TSC22D1: variants seen among roughly 807,000 people sequenced by gnomAD.
TSC22D1 encodes TSC22 domain family member 1.
Under a neutral mutation model 74.2 loss-of-function variants are expected in TSC22D1, and 9 were observed. The ratio of observed to expected loss-of-function variants is 0.12; its 90% CI spans 0.07 to 0.21. TSC22D1 has a LOEUF of 0.21. Among genes scored for constraint, TSC22D1 ranks in the 10% least tolerant of loss-of-function variants. The pLI is 1.00. For synonymous variants in TSC22D1, 586 were observed against 492.5 expected, an observed-to-expected ratio of 1.19 and a Z score of -2.51; for missense variants, 1,427 against 1,304.7, an observed-to-expected ratio of 1.09 and a Z score of -1.44.
intron 1 of TSC22D1, among the ~76,000 whole-genome samples, chr13:44,457,414 G>A (rs1876721463): frequency 6.6e-6 from 1 of 152,084 alleles, no homozygotes. Flanking sequence ...TGAGAAGCCA[G>A]AAATAAGGCA....
intron 1 of TSC22D1, among the ~76,000 whole-genome samples, chr13:44,503,646 G>GA (rs2137988987): frequency 6.6e-6 from 1 of 151,996 alleles, no homozygotes; most frequent in East Asian, 1.9e-4. Flanking sequence ...CTAAAGCAGA[G>GA]AAAAAAGAAG....
chr13:44,527,609 A>G (rs1880611086), intron 1 of TSC22D1, among the ~76,000 whole-genome samples: 1 of 152,190 alleles, frequency 6.6e-6, no homozygotes, highest in Non-Finnish European at 1.5e-5. Context: ...AAAAGAGTGG[A>G]AGGCAAAATA....
At position 44,542,752 on chromosome 13, in the gene TSC22D1, T is replaced by C. The variant is rs924167821; in HGVS notation, c.2912+30411A>G. ...GTTAATAATTTATGAAGACTCTGAA[T>C]TTGATAATGTATCATTTATATAAAA... On this transcript the variant is annotated intron_variant, in intron 1 of 2. Transcript: ENST00000458659. 2.6e-5 allele frequency among the ~76,000 whole-genome samples: 4 copies of C among 152,090 alleles called. No individual in the cohort carries two copies. In the East Asian group the frequency reaches 5.8e-4, roughly 22 times the overall value.
chr13:44,441,568 T>C (rs1306835278), intron 1 of TSC22D1, among the ~76,000 whole-genome samples: 1 of 151,946 alleles, frequency 6.6e-6, no homozygotes, highest in African/African-American at 2.4e-5. Flanking sequence ...TTACCTAACA[T>C]CTAAAATGGA....
chr13:44,525,915 A>G (rs1880527292), intron 1 of TSC22D1, among the ~76,000 whole-genome samples: 1 of 152,206 alleles, frequency 6.6e-6, no homozygotes, highest in South Asian at 2.1e-4. Context: ...TAGTCTGGAC[A>G]ACATGGCAAA....
At chr13:44,446,938 C>T (rs1165014215) in intron 1 of TSC22D1, among the ~76,000 whole-genome samples, 1 of 151,922 alleles carries the variant, frequency 6.6e-6, no homozygotes, top group African/African-American at 2.4e-5. Flanking sequence ...TAGTAAAAAA[C>T]ACATAAAATT....
At chr13:44,567,327 C>T (rs2138223616) in intron 1 of TSC22D1, among the ~76,000 whole-genome samples, 1 of 152,278 alleles carries the variant, frequency 6.6e-6, no homozygotes, top group East Asian at 1.9e-4. Flanking sequence ...AGCCAGGTTA[C>T]CATACAGGAA....
chr13:44,526,653 G>A (rs942087705), intron 1 of TSC22D1, among the ~76,000 whole-genome samples: 1 of 152,196 alleles, frequency 6.6e-6, no homozygotes, highest in African/African-American at 2.4e-5. Flanking sequence ...AGTCAAAAAG[G>A]CATAGCTGAC....
intron 1 of TSC22D1, among the ~76,000 whole-genome samples, chr13:44,459,686 T>C (rs1292803012): frequency 1.3e-5 from 2 of 152,206 alleles, no homozygotes; most frequent in Admixed American, 1.3e-4. Context: ...TCTTTGGGGC[T>C]CTGCAGTTCC....
intron 1 of TSC22D1, among the ~76,000 whole-genome samples, chr13:44,559,759 C>T (rs1050909925): frequency 2.0e-5 from 3 of 150,804 alleles, no homozygotes; most frequent in Non-Finnish European, 4.4e-5. Context: ...GGCGTGATCT[C>T]AGCTCACTGC....
At position 44,433,879 on chromosome 13, in the gene TSC22D1, T is replaced by A. The variant is rs1172868471; in HGVS notation, c.*747A>T. ...AGATCTATATATAAAAGTCCACACCTCCTCAGACAGCCAATGAAACAACTA... is the reference window on the plus strand; with the variant it reads ...AGATCTATATATAAAAGTCCACACCACCTCAGACAGCCAATGAAACAACTA... On this transcript the variant is annotated 3_prime_UTR_variant, in exon 3 of 3. Coordinates refer to ENST00000458659, the MANE Select transcript of TSC22D1 (RefSeq NM_183422.4). 4.4e-6 allele frequency: 5 copies of A among 1,147,570 alleles called. No homozygotes were observed. Among genetic ancestry groups the A allele is most frequent in the African/African-American group, 1.6e-5 (1 of 61,956 alleles). 71.1% of individuals were successfully genotyped at this position (1,147,570 alleles called of 1,614,324 possible). A position where few individuals can be genotyped will look rare whatever the true frequency, so the allele number is the denominator to read the frequency against.
At chr13:44,466,287 C>T (rs1239560725) in intron 1 of TSC22D1, among the ~76,000 whole-genome samples, 2 of 152,122 alleles carry the variant, frequency 1.3e-5, no homozygotes, top group Admixed American at 6.5e-5. Flanking sequence ...CTATTCAGTG[C>T]GACTTAGCAC....
At chr13:44,450,805 A>G (rs372454853) in intron 1 of TSC22D1, among the ~76,000 whole-genome samples, 13 of 152,208 alleles carry the variant, frequency 8.5e-5, no homozygotes, top group East Asian at 3.8e-4. Context: ...AAATACTGGC[A>G]TAAGAAAAGT....
intron 1 of TSC22D1, among the ~76,000 whole-genome samples, chr13:44,448,369 C>A (rs1383311689): frequency 2.0e-5 from 3 of 152,088 alleles, no homozygotes. Context: ...ACCAACTAAC[C>A]ATTTTTCTAT....
intron 1 of TSC22D1, among the ~76,000 whole-genome samples, chr13:44,484,268 A>G (rs898724866): frequency 2.6e-5 from 4 of 151,990 alleles, no homozygotes; most frequent in African/African-American, 9.7e-5. Flanking sequence ...TGGGAATGCT[A>G]AAAAAAATCC....
At chr13:44,554,963 C>A (rs982404087) in intron 1 of TSC22D1, among the ~76,000 whole-genome samples, 3 of 152,052 alleles carry the variant, frequency 2.0e-5, no homozygotes, top group Non-Finnish European at 4.4e-5. Context: ...TTCATGAACT[C>A]AAATATAGTA....
intron 1 of TSC22D1, among the ~76,000 whole-genome samples, chr13:44,517,857 A>ATATTT (rs10627677): frequency 1.9e-4 from 3 of 16,176 alleles, no homozygotes; most frequent in Non-Finnish European, 4.2e-4. Context: ...ATATATATAT[A>ATATTT]TTTTTTTTTT....
At chr13:44,494,822 G>GCT (rs1404176862) in intron 1 of TSC22D1, among the ~76,000 whole-genome samples, 2 of 152,164 alleles carry the variant, frequency 1.3e-5, no homozygotes, top group African/African-American at 2.4e-5. Flanking sequence ...TCTTAAGTAT[G>GCT]CTCAAAGAGC....
intron 1 of TSC22D1, among the ~76,000 whole-genome samples, chr13:44,552,360 G>C (rs987256888): frequency 6.6e-6 from 1 of 152,180 alleles, no homozygotes; most frequent in African/African-American, 2.4e-5. Context: ...ATGAGGAACA[G>C]AGAACATAAA....
Sources: gnomAD v4.1 joint callset for allele counts (sites outside exome capture counted in the v4.1 genomes callset) on GRCh38, gnomAD v4.1.1 for gene constraint, MANE v1.5 for transcripts, NCBI Gene and HGNC (gene_info 2026-07-23, HGNC 2026-07-21) for gene names.